The following MCCC1 variants were observed in gnomAD, a reference collection of about 807,000 sequenced individuals.
MCCC1 encodes the protein methylcrotonyl-CoA carboxylase subunit 1, also known as methylcrotonoyl-CoA carboxylase subunit alpha, mitochondrial.
Under a neutral mutation model 83.8 loss-of-function variants are expected in MCCC1, and 64 were observed. That is an observed-to-expected ratio of 0.76 (90% CI 0.62 to 0.94). The LOEUF is 0.94. Among genes scored for constraint, MCCC1 ranks in the 40% least tolerant of loss-of-function variants. MCCC1 has a pLI of 0.00. For synonymous variants in MCCC1, 322 were observed against 315.4 expected (o/e 1.02, Z -0.22); for missense variants, 807 against 904.7 (o/e 0.89, Z 1.39).
rs953109201 is a variant in MCCC1 at position 183,017,214 on chromosome 3, G to C, written c.2049+52C>G. On this transcript the variant is annotated intron_variant, in intron 18 of 18. Coordinates refer to ENST00000265594, the MANE Select transcript of MCCC1 (RefSeq NM_020166.5). Reference sequence around the variant, plus strand: ...ACAAAATAAGGCAAAAGAACCATTAGGTATGATTGCTCCCAAAGTCCTCAT... The same window carrying C: ...ACAAAATAAGGCAAAAGAACCATTACGTATGATTGCTCCCAAAGTCCTCAT... 3 of 1,477,262 alleles carry C rather than the reference G, an allele frequency of 2.0e-6. No individual in the cohort carries two copies. In the African/African-American group the frequency reaches 4.1e-5, roughly 20 times the overall value. The allele number at this position is 1,477,262 out of a possible 1,614,324, so 91.5% of individuals were successfully genotyped here.
chr3:183,097,100 T>G (rs1718791965), intron 1 of MCCC1, among the ~76,000 whole-genome samples: 1 of 152,186 alleles, frequency 6.6e-6, no homozygotes, highest in African/African-American at 2.4e-5. Context: ...GATCATCTAT[T>G]CCATTTTTCA....
intron 1 of MCCC1, among the ~76,000 whole-genome samples, chr3:183,106,081 T>TAAAAAAAAAAAAAAAAAAAA (rs563718218): frequency 1.5e-4 from 15 of 101,066 alleles, no homozygotes; most frequent in African/African-American, 5.4e-4. Flanking sequence ...AGAGAGTCCG[T>TAAAAAAAAAAAAAAAAAAAA]AAAAAAAAAA....
upstream of MCCC1, among the ~76,000 whole-genome samples, chr3:183,102,779 T>G (rs1461764268): frequency 2.4e-3 from 261 of 107,000 alleles, 4 homozygotes; most frequent in African/African-American, 9.7e-3. Context: ...TTTTTTTTTT[T>G]TTTTTTTTTT....
At chr3:183,104,441 C>A (rs1007702833), upstream of MCCC1, among the ~76,000 whole-genome samples, 13 of 149,782 alleles carry the variant, frequency 8.7e-5, no homozygotes, top group Admixed American at 8.7e-4. Flanking sequence ...CTAAGTATAA[C>A]ACAATACTCA....
chr3:183,020,882 A>AC (rs1712107451), intron 16 of MCCC1, among the ~76,000 whole-genome samples: 1 of 151,952 alleles, frequency 6.6e-6, no homozygotes, highest in Non-Finnish European at 1.5e-5. Context: ...ACATGGTGAA[A>AC]CCCCATCTCT....
intron 14 of MCCC1, among the ~76,000 whole-genome samples, chr3:183,030,986 C>T (rs1713020781): frequency 6.6e-6 from 1 of 152,134 alleles, no homozygotes; most frequent in Non-Finnish European, 1.5e-5. Flanking sequence ...AAAGACACTA[C>T]CAAAAAAACT....
chr3:183,054,334 T>C (rs1315720887), intron 8 of MCCC1, among the ~76,000 whole-genome samples: 1 of 151,930 alleles, frequency 6.6e-6, no homozygotes, highest in Non-Finnish European at 1.5e-5. Context: ...TACAGGCGCC[T>C]GCCACCATGC....
intron 1 of MCCC1, chr3:183,098,610 A>C (rs1718913589): frequency 6.6e-6 from 1 of 152,334 alleles, no homozygotes; most frequent in Non-Finnish European, 1.5e-5. Flanking sequence ...ATGAAGCAAA[A>C]GAAGACAAAG....
chr3:183,115,010 T>G (rs1310084782), intron 1 of MCCC1, among the ~76,000 whole-genome samples: 1 of 152,100 alleles, frequency 6.6e-6, no homozygotes, highest in Admixed American at 6.5e-5. Context: ...CCGCCTGGCT[T>G]TGTTTCAGGG....
chr3:183,020,003 T>G, intron 17 of MCCC1, 127 bp downstream of exon 17: 1 of 717,722 alleles, frequency 1.4e-6, no homozygotes, highest in Non-Finnish European at 2.4e-6. Flanking sequence ...TAGATCCTCT[T>G]GTTTTTGTGA....
At chr3:183,016,019 CCCGGGT>C (rs1711593108) in intron 18 of MCCC1, among the ~76,000 whole-genome samples, 1 of 151,150 alleles carries the variant, frequency 6.6e-6, no homozygotes, top group Non-Finnish European at 1.5e-5. Flanking sequence ...ACCTCTGCCT[CCCGGGT>C]TCAAGCGGTT....
intron 7 of MCCC1, among the ~76,000 whole-genome samples, chr3:183,066,254 G>A (rs765976970): frequency 1.3e-5 from 2 of 152,000 alleles, no homozygotes; most frequent in Non-Finnish European, 2.9e-5. Flanking sequence ...AAAACTTTTT[G>A]CCATCCACAG....
intron 8 of MCCC1, among the ~76,000 whole-genome samples, chr3:183,053,542 C>T (rs1388457210): frequency 6.6e-6 from 1 of 151,792 alleles, no homozygotes; most frequent in Non-Finnish European, 1.5e-5. Flanking sequence ...CACGGTGGCT[C>T]ATGCCTGTAA....
At chr3:183,015,703 C>T (rs537110278) in intron 18 of MCCC1, 137 bp from the exon 19 acceptor site, 64 of 1,031,634 alleles carry the variant, frequency 6.2e-5, no homozygotes, top group African/African-American at 6.2e-4. Context: ...TGCTTTCCAA[C>T]GCTTTGTTGT....
Position 183,092,475 on chromosome 3 carries a change from T to C in MCCC1, c.207A>G (p.Lys69=), listed in dbSNP as rs1718434052. The C allele has an allele frequency of 5.0e-6, 8 of 1,614,234 alleles. No homozygotes were observed. The highest frequency in any genetic ancestry group is 6.8e-6 in the Non-Finnish European group (8 of 1,180,044). The stretch of plus-strand genomic sequence containing the variant: ...CCGCCACAGTCTGTACACCCAGTTT[T>C]TTGGCTGTGCGCATCACCCTGCAGG... ...EIACRVMRTA[K]KLGVQTVAVY... is the part of the protein sequence containing the mutation. The change falls in exon 3 of 19, where the codon AAA becomes AAG. Residue 69 remains lysine (K), a synonymous_variant. Transcript: ENST00000265594.
intron 2 of MCCC1, among the ~76,000 whole-genome samples, chr3:183,094,048 C>CTT (rs1301777122): frequency 2.0e-4 from 27 of 135,618 alleles, no homozygotes; most frequent in African/African-American, 3.5e-4. Context: ...TTTATTTTTA[C>CTT]TTTTTTTTTT....
chr3:183,020,150 T>C lies in MCCC1; in HGVS notation c.1957A>G (p.Met653Val), dbSNP rs1712029105. Residue 653 changes from methionine to valine, a missense_variant, in exon 17 of 19, where the codon ATG becomes GTG. Met to Val is a conservative substitution (Grantham distance 21). Transcript: ENST00000265594. ...QETQGGPLAP[M>V]TGTIEKVFVK... ...ATTACCTTTTCAATGGTTCCAGTCA[T>C]AGGAGCTAAGGGGCCGCCCTGAGTT... 3.7e-6 allele frequency: 6 copies of C among 1,613,740 alleles called. No homozygotes were observed. Among genetic ancestry groups the C allele is most frequent in the Admixed American group, 1.7e-5 (1 of 60,020 alleles).
At chr3:183,112,968 G>A (rs768504343) in intron 1 of MCCC1, among the ~76,000 whole-genome samples, 9 of 151,990 alleles carry the variant, frequency 5.9e-5, no homozygotes, top group Non-Finnish European at 1.3e-4. Context: ...GCTCACGCCT[G>A]TAATCTCACC....
chr3:183,026,535 C>G (rs1423191931), intron 14 of MCCC1, among the ~76,000 whole-genome samples: 7 of 151,952 alleles, frequency 4.6e-5, no homozygotes, highest in Non-Finnish European at 8.8e-5. Flanking sequence ...CATGGTGAAA[C>G]CCGGTCTCTA....
Sources: allele counts gnomAD v4.1 joint callset (sites outside exome capture counted in the v4.1 genomes callset), GRCh38; gene constraint gnomAD v4.1.1; transcripts MANE v1.5; gene names NCBI Gene and HGNC (gene_info 2026-07-23, HGNC 2026-07-21).